Variants in ATRN observed in about 807,000 individuals in gnomAD.
The protein encoded by ATRN is attractin.
ATRN carries 54 observed loss-of-function variants against 178.7 expected under a neutral mutation model. The ratio of observed to expected loss-of-function variants is 0.30; its 90% CI spans 0.24 to 0.38. ATRN has a LOEUF of 0.38. ATRN is among the 10% of genes least tolerant of loss of function. ATRN has a pLI of 1.00. For missense variants in ATRN, 1,443 were observed against 1,815.1 expected (o/e 0.79, Z 3.73); for synonymous variants, 636 against 663.0 (o/e 0.96, Z 0.63).
intron 27 of ATRN, among the ~76,000 whole-genome samples, chr20:3,639,207 A>G (rs544040106): frequency 1.3e-5 from 2 of 152,288 alleles, no homozygotes; most frequent in South Asian, 4.1e-4. Context: ...GTGGCATACA[A>G]AACTTTTATT....
At position 3,615,747 on chromosome 20, in the gene ATRN, G is replaced by C. The variant is rs903389794; in HGVS notation, c.3802-8764G>C. 3 of 453,190 alleles carry C rather than the reference G, an allele frequency of 6.6e-6. No individual in the cohort carries two copies. In the Admixed American group the frequency reaches 7.1e-5, roughly 11 times the overall value. The allele number at this position is 453,190 out of a possible 1,614,324, so 28.1% of individuals were successfully genotyped here. On this transcript the variant is annotated intron_variant, in intron 24 of 28. Transcript: ENST00000262919. Reference sequence around the variant, plus strand: ...ATTTTTTGTATTTTAGTAGAGACAGGGTTTTACCATGTTGCCCCCATCATT... The same window carrying C: ...ATTTTTTGTATTTTAGTAGAGACAGCGTTTTACCATGTTGCCCCCATCATT...
chr20:3,627,397 C>T (rs1193526347), intron 25 of ATRN, among the ~76,000 whole-genome samples: 1 of 152,084 alleles, frequency 6.6e-6, no homozygotes, highest in Non-Finnish European at 1.5e-5. Flanking sequence ...AAAAAACATT[C>T]CTCTCAATAA....
rs182933458 is a variant in ATRN, at chr20:3,606,641, G to A, written c.3801+2379G>A. On this transcript the variant is annotated intron_variant, in intron 24 of 28. Coordinates refer to ENST00000262919, the MANE Select transcript of ATRN (RefSeq NM_139321.3). ...CTGTAAACAGCACCACCATCACCCT[G>A]TTGTACAAGCTAGGGCCTGATGATC... Among the ~76,000 whole-genome samples the A allele has an allele frequency of 2.8e-3, 429 of 152,276 alleles. 2 individuals carry two copies. The highest frequency in any genetic ancestry group is 4.0e-3 in the Non-Finnish European group (269 of 68,022).
chr20:3,512,107 A>ATATATATTTTTTTT, intron 1 of ATRN, among the ~76,000 whole-genome samples: 3 of 106,400 alleles, frequency 2.8e-5, no homozygotes, highest in African/African-American at 1.3e-4. Context: ...ATATATATAT[A>ATATATATTTTTTTT]TTTTTTTTTT....
chr20:3,576,081 T>A, intron 13 of ATRN, 133 bp downstream of exon 13: 1 of 1,097,738 alleles, frequency 9.1e-7, no homozygotes, highest in Middle Eastern at 3.1e-4. Context: ...TTATTATCCC[T>A]GAGGTTTTCC....
chr20:3,479,761 G>A (rs935349343), intron 1 of ATRN, among the ~76,000 whole-genome samples: 5 of 152,116 alleles, frequency 3.3e-5, no homozygotes, highest in African/African-American at 9.7e-5. Flanking sequence ...CTTTCTCTTC[G>A]CTTCTGGAGT....
chr20:3,578,844 A>C, intron 15 of ATRN, 72 bp downstream of exon 15: 5 of 1,419,630 alleles, frequency 3.5e-6, no homozygotes, highest in African/African-American at 1.4e-5. Context: ...TGCAGCTTGC[A>C]TGTGGAAGGC....
Position 3,632,480 on chromosome 20 carries a change from A to G in ATRN, c.3864-1831A>G, listed in dbSNP as rs890593777. Among the ~76,000 whole-genome samples, 2 of 152,130 alleles carry G rather than the reference A, an allele frequency of 1.3e-5. No individual in the cohort carries two copies. The highest frequency in any genetic ancestry group is 4.1e-4 in the South Asian group (2 of 4,824). On this transcript the variant is annotated intron_variant, in intron 25 of 28. Transcript: ENST00000262919. This position sits in a 1 kb window ranked among gnomAD's most constrained non-coding sequence, Gnocchi z 4.2. The stretch of plus-strand genomic sequence containing the variant: ...CTCCTGAGGCTCCCCAAGCCATCCC[A>G]GGCACGGCCTTGCCTCGGGCTTTGC...
chr20:3,491,259 G>C (rs1450694106), intron 1 of ATRN, among the ~76,000 whole-genome samples: 1 of 152,054 alleles, frequency 6.6e-6, no homozygotes, highest in African/African-American at 2.4e-5. Flanking sequence ...TTGTTCTCTT[G>C]TTAACATCTC....
chr20:3,586,077 G>A (rs879889096), intron 18 of ATRN, among the ~76,000 whole-genome samples: 8 of 152,124 alleles, frequency 5.3e-5, no homozygotes, highest in Non-Finnish European at 1.0e-4. Context: ...GAAAACATAT[G>A]TTACCCAAAA....
chr20:3,567,115 C>A (rs985073913), intron 11 of ATRN, among the ~76,000 whole-genome samples: 4 of 152,086 alleles, frequency 2.6e-5, no homozygotes, highest in Non-Finnish European at 5.9e-5. Flanking sequence ...GGCCACCTTG[C>A]TAATTTGAAG....
At position 3,645,385 on chromosome 20, in the gene ATRN, G is replaced by C. The variant is rs2087099881; in HGVS notation, c.4165+1117G>C. On this transcript the variant is annotated intron_variant, in intron 28 of 28. Coordinates refer to ENST00000262919, the MANE Select transcript of ATRN (RefSeq NM_139321.3). The surrounding 1 kb of genome is among the most constrained non-coding windows in gnomAD (Gnocchi z 4.7). Reference sequence around the variant, plus strand: ...TCATCTCACCTAGGGATTCCTGTGAGTTGAGCCCCTAACTCGGCCTTGCCT... The same window carrying C: ...TCATCTCACCTAGGGATTCCTGTGACTTGAGCCCCTAACTCGGCCTTGCCT... 6.6e-6 allele frequency among the ~76,000 whole-genome samples: 1 copy of C among 152,234 alleles called. No individual in the cohort carries two copies. Among genetic ancestry groups the C allele is most frequent in the South Asian group, 2.1e-4 (1 of 4,836 alleles).
In ATRN at chr20:3,483,092, A is replaced by G. The variant is rs149816126; in HGVS notation, c.410+11575A>G. 8.2e-3 allele frequency among the ~76,000 whole-genome samples: 1,254 copies of G among 152,214 alleles called. 16 individuals are homozygous for G. The highest frequency in any genetic ancestry group is 0.029 in the African/African-American group (1,208 of 41,534). On this transcript the variant is annotated intron_variant, in intron 1 of 28. Coordinates refer to ENST00000262919, the MANE Select transcript of ATRN (RefSeq NM_139321.3). ...TAGTATGGTGAAGTTGATGTTTATT[A>G]TTTCTCTTGCATGTTTCTACTCTTA... is the stretch of plus-strand genomic sequence containing the variant.
At chr20:3,477,823 A>G (rs999154832) in intron 1 of ATRN, among the ~76,000 whole-genome samples, 2 of 152,268 alleles carry the variant, frequency 1.3e-5, no homozygotes, top group Non-Finnish European at 2.9e-5. Flanking sequence ...CTTTACCCAC[A>G]TGACTGCCAT....
chr20:3,524,873 G>T (rs117843142), intron 1 of ATRN, among the ~76,000 whole-genome samples: 1,662 of 152,188 alleles, frequency 0.011, 12 homozygotes, highest in South Asian at 0.029. Context: ...ACAAAGACAC[G>T]ACATACCAGA....
intron 24 of ATRN, among the ~76,000 whole-genome samples, chr20:3,614,586 T>A (rs1212906479): frequency 6.6e-6 from 1 of 152,260 alleles, no homozygotes; most frequent in Non-Finnish European, 1.5e-5. Flanking sequence ...GAGCAAGGGA[T>A]GTGTGAAACT....
intron 25 of ATRN, among the ~76,000 whole-genome samples, chr20:3,633,221 C>T (rs978190532): frequency 6.6e-6 from 1 of 152,188 alleles, no homozygotes; most frequent in African/African-American, 2.4e-5. Context: ...CACCAAGTGA[C>T]GATCCTGGGG....
At chr20:3,511,972 T>A (rs966779910) in intron 1 of ATRN, among the ~76,000 whole-genome samples, 7 of 150,414 alleles carry the variant, frequency 4.7e-5, no homozygotes, top group African/African-American at 1.7e-4. Flanking sequence ...AAAATTATGC[T>A]TCTGTTTTTG....
At chr20:3,609,714 ATGTGTGTGTGTGTGTGTGTGTGTGTG>A (rs34028518) in intron 24 of ATRN, among the ~76,000 whole-genome samples, 36 of 146,114 alleles carry the variant, frequency 2.5e-4, no homozygotes, top group Non-Finnish European at 4.5e-4. Context: ...GTATGTATGT[ATGTGTGTGTGTGTGTGTGTGTGTGTG>A]TGTGTGTGTG....
Sources: gnomAD v4.1 joint callset for allele counts (sites outside exome capture counted in the v4.1 genomes callset) on GRCh38, gnomAD v4.1.1 for gene constraint, Gnocchi (gnomAD v3.1) non-coding constraint, MANE v1.5 for transcripts, NCBI Gene and HGNC (gene_info 2026-07-23, HGNC 2026-07-21) for gene names.